Variants in KIAA1586 observed in about 807,000 individuals in gnomAD.
KIAA1586 encodes KIAA1586.
Under a neutral mutation model 6.1 loss-of-function variants are expected in KIAA1586, and 5 were observed. The ratio of observed to expected loss-of-function variants is 0.82; its 90% CI spans 0.43 to 1.73. The LOEUF (loss-of-function observed/expected upper bound fraction) is 1.73. Ranked by LOEUF, KIAA1586 falls within the 40% of genes most tolerant of loss-of-function variation. The pLI is 0.02. For missense variants in KIAA1586, 899 were observed against 878.2 expected, an observed-to-expected ratio of 1.02 and a Z score of -0.30; for synonymous variants, 280 against 301.7, an observed-to-expected ratio of 0.93 and a Z score of 0.75.
intron 3 of KIAA1586, among the ~76,000 whole-genome samples, chr6:57,051,590 T>C (rs1213216356): frequency 6.6e-6 from 1 of 151,750 alleles, no homozygotes; most frequent in Non-Finnish European, 1.5e-5. Flanking sequence ...GTGATGTGTC[T>C]CTGCTAGACT....
the KIAA1586 span, among the ~76,000 whole-genome samples, chr6:57,066,623 C>T: frequency 9.9e-5 from 15 of 152,240 alleles, no homozygotes; most frequent in South Asian, 1.2e-3. Context: ...TAAAAATAGA[C>T]GTAAAATGAA....
chr6:57,047,049 T>C, intron 1 of KIAA1586: 1 of 419,216 alleles, frequency 2.4e-6, no homozygotes, highest in Non-Finnish European at 4.0e-6. Flanking sequence ...CCCTTCGGTG[T>C]TGAGCTTGCG....
At chr6:57,051,231 C>CAAAA (rs773856302) in intron 3 of KIAA1586, among the ~76,000 whole-genome samples, 3 of 86,512 alleles carry the variant, frequency 3.5e-5, no homozygotes, top group African/African-American at 1.3e-4. Flanking sequence ...GACTCCTTCT[C>CAAAA]AAAAAAAAAA....
At chr6:57,052,576 TA>T (rs974739787) in intron 3 of KIAA1586, 109 bp from the exon 4 acceptor site, 9 of 774,964 alleles carry the variant, frequency 1.2e-5, no homozygotes, top group African/African-American at 8.8e-5. Flanking sequence ...TCAGGTTAAA[TA>T]TTTAAGTTTA....
downstream of KIAA1586, among the ~76,000 whole-genome samples, chr6:57,057,318 T>A (rs1301026069): frequency 6.6e-6 from 1 of 152,192 alleles, no homozygotes; most frequent in African/African-American, 2.4e-5. Context: ...ATTAATTGAT[T>A]CTAAATCTGA....
the KIAA1586 span, among the ~76,000 whole-genome samples, chr6:57,064,981 C>T: frequency 6.6e-6 from 1 of 152,156 alleles, no homozygotes; most frequent in African/African-American, 2.4e-5. Context: ...ATTCCATCCT[C>T]ATGACTTCTG....
downstream of KIAA1586, among the ~76,000 whole-genome samples, chr6:57,056,664 G>A (rs1170035398): frequency 6.6e-6 from 1 of 151,440 alleles, no homozygotes; most frequent in Admixed American, 6.6e-5. Flanking sequence ...AGCCCCCTAA[G>A]TAGCTGGGAA....
chr6:57,054,339 A>T lies in KIAA1586; in HGVS notation c.1840A>T (p.Met614Leu). The stretch of plus-strand genomic sequence containing the variant: ...ATTACTAGACAATATAATTCAGCAC[A>T]TGAACCTACGCCTTTTATCTGACAG... ...SILLDNIIQHMNLRLLSDRNH... is the reference protein window; with the variant it reads ...SILLDNIIQHLNLRLLSDRNH... Residue 614 changes from methionine (M) to leucine (L), a missense_variant, in exon 4 of 4, where the codon ATG (methionine) becomes TTG (leucine). By Grantham distance (15) the Met-to-Leu change is conservative. Coordinates refer to ENST00000370733, the MANE Select transcript of KIAA1586 (RefSeq NM_020931.4). 6.3e-7 allele frequency: 1 copy of T among 1,596,242 alleles called. No individual in the cohort carries two copies. Among genetic ancestry groups the T allele is most frequent in the Non-Finnish European group, 8.5e-7 (1 of 1,174,704 alleles).
intron 3 of KIAA1586, 83 bp downstream of exon 3, chr6:57,050,937 A>G: frequency 9.5e-7 from 1 of 1,047,520 alleles, no homozygotes; most frequent in Non-Finnish European, 1.5e-6. Context: ...GGATCATAAG[A>G]ACTAATTGTT....
At position 57,053,937 on chromosome 6, in the gene KIAA1586, A is replaced by AAAT. The variant is rs1448327030; in HGVS notation, c.1438_1439insAAT (p.Met480delinsLysLeu). On this transcript the variant is annotated protein_altering_variant, in exon 4 of 4. Coordinates refer to ENST00000370733, the MANE Select transcript of KIAA1586 (RefSeq NM_020931.4). The stretch of plus-strand genomic sequence containing the variant: ...TGAAATTATTAAAATTGGTCGAGTA[A>AAAT]TGGGACCAAGATGGGCGGCATGTAG... 2 of 1,583,732 alleles carry AAAT rather than the reference A, an allele frequency of 1.3e-6. No homozygotes were observed. Among genetic ancestry groups the AAAT allele is most frequent in the East Asian group, 4.5e-5 (2 of 44,546 alleles).
In KIAA1586 at chr6:57,054,569, A is replaced by G. The variant is rs769584994; in HGVS notation, c.2070A>G (p.Ile690Met). The stretch of plus-strand genomic sequence containing the variant: ...ACAATGTTTCAATTCCTACAACTAT[A>G]TACAAAGCTAAAAAGATAGTTAGCA... ...KSNNVSIPTT[I>M]YKAKKIVSTI... The change falls in exon 4 of 4, where the codon ATA becomes ATG. Residue 690 changes from isoleucine to methionine, a missense_variant. Coordinates refer to ENST00000370733, the MANE Select transcript of KIAA1586 (RefSeq NM_020931.4). 147 of 1,608,574 alleles carry G rather than the reference A, an allele frequency of 9.1e-5. 1 individual carries two copies. In the Middle Eastern group the frequency reaches 1.2e-3, roughly 13 times the overall value.
downstream of KIAA1586, chr6:57,055,258 T>A (rs1828480400): frequency 6.6e-6 from 1 of 152,534 alleles, no homozygotes; most frequent in Non-Finnish European, 1.4e-5. Flanking sequence ...CATTTCCATA[T>A]CTGTGCTATC....
the KIAA1586 span, among the ~76,000 whole-genome samples, chr6:57,062,773 G>A: frequency 3.3e-5 from 5 of 152,104 alleles, no homozygotes; most frequent in East Asian, 3.8e-4. Flanking sequence ...TTTTGTGGCC[G>A]AGCATGGTGG....
chr6:57,049,507 T>C (rs767462892), intron 2 of KIAA1586, among the ~76,000 whole-genome samples: 1 of 152,186 alleles, frequency 6.6e-6, no homozygotes, highest in Non-Finnish European at 1.5e-5. Flanking sequence ...TTGTGTTCTG[T>C]CATGTACCTA....
chr6:57,057,212 A>T (rs935257036), downstream of KIAA1586, among the ~76,000 whole-genome samples: 5 of 151,664 alleles, frequency 3.3e-5, no homozygotes, highest in Admixed American at 6.6e-5. Context: ...TGGGCGACAG[A>T]GCGAGACTTT....
At chr6:57,066,638 G>A in the KIAA1586 span, among the ~76,000 whole-genome samples, 1 of 152,148 alleles carries the variant, frequency 6.6e-6, no homozygotes, top group South Asian at 2.1e-4. Context: ...AATGAATTCT[G>A]TTTTCAGCTG....
At position 57,053,110 on chromosome 6, in the gene KIAA1586, G is replaced by C. The variant is rs201130836; in HGVS notation, c.611G>C (p.Arg204Pro). The C allele has an allele frequency of 6.2e-6, 10 of 1,605,800 alleles. No individual in the cohort carries two copies. In the African/African-American group the frequency reaches 1.4e-4, roughly 22 times the overall value. Residue 204 changes from arginine (R) to proline (P), a missense_variant, in exon 4 of 4, where the codon CGA becomes CCA. Transcript: ENST00000370733. ...AAAACTACTAGGCAAGCTTCTCTAC[G>C]AAAAAAAATTAGGGAACATGATGTT... ...SNKTTRQASL[R>P]KKIREHDVSK...
intron 3 of KIAA1586, among the ~76,000 whole-genome samples, chr6:57,051,973 CA>C (rs981541544): frequency 3.3e-5 from 5 of 149,882 alleles, no homozygotes; most frequent in South Asian, 2.1e-4. Flanking sequence ...GACTCCGTCT[CA>C]AAAAAAAAAT....
chr6:57,063,684 C>T, the KIAA1586 span, among the ~76,000 whole-genome samples: 2 of 151,960 alleles, frequency 1.3e-5, no homozygotes, highest in Non-Finnish European at 2.9e-5. Flanking sequence ...AAACTTCCGA[C>T]CTCAAGCGAT....
Sources: gnomAD v4.1 joint callset for allele counts (sites outside exome capture counted in the v4.1 genomes callset) on GRCh38, gnomAD v4.1.1 for gene constraint, MANE v1.5 for transcripts, NCBI Gene and HGNC (gene_info 2026-07-23, HGNC 2026-07-21) for gene names.